Variants in ERC2 observed in about 807,000 individuals in gnomAD.
ERC2 encodes ELKS/RAB6-interacting/CAST family member 2, also known as ERC protein 2.
Under a neutral mutation model 114.8 loss-of-function variants are expected in ERC2, and 42 were observed. The observed-to-expected ratio is 0.37, with a 90% CI of 0.29 to 0.47. The LOEUF (loss-of-function observed/expected upper bound fraction) is 0.47, where lower values mean the gene tolerates loss of function less well. Among genes scored for constraint, ERC2 ranks in the 20% least tolerant of loss-of-function variants. ERC2 has a pLI of 0.99. For missense variants in ERC2, 939 were observed against 1,150.7 expected, an observed-to-expected ratio of 0.82 and a Z score of 2.66; for synonymous variants, 454 against 425.5, an observed-to-expected ratio of 1.07 and a Z score of -0.82.
intron 14 of ERC2, among the ~76,000 whole-genome samples, chr3:55,874,722 A>G (rs1277245956): frequency 6.6e-6 from 1 of 152,100 alleles, no homozygotes; most frequent in African/African-American, 2.4e-5. Context: ...AAGCTACAGA[A>G]GTAGGGGTGG....
chr3:55,926,458 G>C (rs2065759423), intron 13 of ERC2, among the ~76,000 whole-genome samples: 1 of 150,262 alleles, frequency 6.7e-6, no homozygotes, highest in Non-Finnish European at 1.5e-5. Context: ...CACCTTGAAG[G>C]ACACACAAAG....
chr3:55,538,775 A>G (rs2054171175), intron 17 of ERC2, among the ~76,000 whole-genome samples: 1 of 152,242 alleles, frequency 6.6e-6, no homozygotes, highest in East Asian at 1.9e-4. Context: ...TTTCCACCCG[A>G]CCAAAGACTG....
intron 3 of ERC2, among the ~76,000 whole-genome samples, chr3:56,184,835 A>T (rs891462611): frequency 2.0e-5 from 3 of 152,206 alleles, no homozygotes; most frequent in African/African-American, 4.8e-5. Context: ...ATGCAAAATA[A>T]GCATCCAGGC....
intron 2 of ERC2, among the ~76,000 whole-genome samples, chr3:56,301,389 A>G (rs2055866188): frequency 6.6e-6 from 1 of 152,188 alleles, no homozygotes; most frequent in African/African-American, 2.4e-5. Context: ...TGTTCCTACA[A>G]AAAAGATTTT....
intron 3 of ERC2, among the ~76,000 whole-genome samples, chr3:56,249,200 T>C (rs1484750233): frequency 1.3e-5 from 2 of 152,268 alleles, no homozygotes; most frequent in African/African-American, 4.8e-5. Context: ...CTTACAAGGA[T>C]GCATATGCAT....
intron 3 of ERC2, among the ~76,000 whole-genome samples, chr3:56,228,042 G>GTA (rs2050367625): frequency 1.3e-5 from 2 of 152,178 alleles, no homozygotes; most frequent in South Asian, 4.1e-4. Flanking sequence ...AGAAATCCAT[G>GTA]TATGTGAACC....
At chr3:56,263,729 C>T (rs2053100629) in intron 3 of ERC2, among the ~76,000 whole-genome samples, 1 of 152,068 alleles carries the variant, frequency 6.6e-6, no homozygotes. Context: ...TTCTACCAAA[C>T]ATTAAAAAAA....
rs557936264 is a variant in ERC2 at position 56,161,097 on chromosome 3, C to T, written c.1150-11965G>A. Among the ~76,000 whole-genome samples the T allele has an allele frequency of 3.5e-4, 53 of 152,260 alleles. No homozygotes were observed. In the South Asian group the frequency reaches 3.7e-3, roughly 11 times the overall value. ...CCCCTTGCTGCTAAGTGAATTCTTG[C>T]TCAGTTAGCTCACATGAGATCTGGT... On this transcript the variant is annotated intron_variant, in intron 4 of 17. Transcript: ENST00000288221.
At chr3:56,115,308 C>T (rs2079167211) in intron 6 of ERC2, among the ~76,000 whole-genome samples, 1 of 152,160 alleles carries the variant, frequency 6.6e-6, no homozygotes, top group African/African-American at 2.4e-5. Flanking sequence ...ATAGCAGTTC[C>T]ATTACATAGG....
chr3:55,716,003 T>C (rs1039884757), intron 15 of ERC2, among the ~76,000 whole-genome samples: 3 of 152,238 alleles, frequency 2.0e-5, no homozygotes, highest in East Asian at 1.9e-4. Flanking sequence ...GCACCCAACC[T>C]TCATCAAACC....
At chr3:56,126,311 T>C (rs1288550516) in intron 6 of ERC2, among the ~76,000 whole-genome samples, 2 of 152,210 alleles carry the variant, frequency 1.3e-5, no homozygotes, top group African/African-American at 2.4e-5. Context: ...TGCAAATCAA[T>C]AGAGGTGATA....
At chr3:55,993,442 T>C (rs2071235588) in intron 10 of ERC2, among the ~76,000 whole-genome samples, 1 of 152,096 alleles carries the variant, frequency 6.6e-6, no homozygotes, top group Admixed American at 6.5e-5. Flanking sequence ...TCATGCATGG[T>C]TAGAAAAATT....
At chr3:56,281,233 C>T (rs1008815746) in intron 3 of ERC2, among the ~76,000 whole-genome samples, 51 of 151,342 alleles carry the variant, frequency 3.4e-4, no homozygotes, top group African/African-American at 1.2e-3. Context: ...GTCAGGAGAT[C>T]GAGACCATCC....
At chr3:56,220,218 C>T (rs2049808633) in intron 3 of ERC2, among the ~76,000 whole-genome samples, 1 of 152,106 alleles carries the variant, frequency 6.6e-6, no homozygotes, top group Admixed American at 6.5e-5. Flanking sequence ...ATGATTATTT[C>T]TATGTGTTAT....
intron 17 of ERC2, among the ~76,000 whole-genome samples, chr3:55,568,777 G>T (rs1269902864): frequency 2.6e-5 from 4 of 152,072 alleles, no homozygotes; most frequent in Non-Finnish European, 5.9e-5. Context: ...CCATCTTCTG[G>T]TGACTTCCCT....
chr3:56,083,638 G>T lies in ERC2; in HGVS notation c.1474-2654C>A, dbSNP rs995430138. Among the ~76,000 whole-genome samples the T allele has an allele frequency of 5.6e-4, 85 of 152,096 alleles. 2 individuals are homozygous for T. The highest frequency in any genetic ancestry group is 3.7e-4 in the Non-Finnish European group (25 of 67,962). On this transcript the variant is annotated intron_variant, in intron 6 of 17. Coordinates refer to ENST00000288221, the MANE Select transcript of ERC2 (RefSeq NM_015576.3). ...ACAATGTCTTTCATGAAAGAGAGAG[G>T]TCAAAACAAAACAAAACACCAACCT... is the stretch of plus-strand genomic sequence containing the variant.
chr3:56,025,184 C>A (rs1468252000), intron 7 of ERC2, among the ~76,000 whole-genome samples: 1 of 152,208 alleles, frequency 6.6e-6, no homozygotes, highest in Non-Finnish European at 1.5e-5. Context: ...GCCAAGGATG[C>A]TCCTTGAGTG....
intron 2 of ERC2, among the ~76,000 whole-genome samples, chr3:56,308,998 G>C (rs1446610978): frequency 6.6e-6 from 1 of 152,160 alleles, no homozygotes; most frequent in African/African-American, 2.4e-5. Flanking sequence ...CTATGTACAG[G>C]CTGTACAACA....
intron 7 of ERC2, among the ~76,000 whole-genome samples, chr3:56,030,952 G>A (rs1027151417): frequency 6.6e-6 from 1 of 152,208 alleles, no homozygotes; most frequent in Non-Finnish European, 1.5e-5. Flanking sequence ...CTTTGCCAAA[G>A]ATCCTAGCAT....
Sources: gnomAD v4.1 joint callset for allele counts (sites outside exome capture counted in the v4.1 genomes callset) on GRCh38, gnomAD v4.1.1 for gene constraint, MANE v1.5 for transcripts, NCBI Gene and HGNC (gene_info 2026-07-23, HGNC 2026-07-21) for gene names.